Variants in NFIB observed in about 807,000 individuals in gnomAD.
The protein encoded by NFIB is nuclear factor 1 B-type.
Under a neutral mutation model 61.5 loss-of-function variants are expected in NFIB, and 11 were observed. The ratio of observed to expected loss-of-function variants is 0.18; its 90% CI spans 0.11 to 0.30. NFIB has a LOEUF of 0.30. Ranked by LOEUF, NFIB falls within the 10% of genes least tolerant of loss-of-function variation. The probability of loss-of-function intolerance (pLI) is 1.00; values close to 1 mark genes in which losing one functional copy is unlikely to be tolerated. For synonymous variants in NFIB, 260 were observed against 216.5 expected (o/e 1.20, Z -1.76); for missense variants, 471 against 608.9 (o/e 0.77, Z 2.38).
At chr9:14,175,623 A>T (rs368016265) in intron 3 of NFIB, among the ~76,000 whole-genome samples, 2 of 152,294 alleles carry the variant, frequency 1.3e-5, no homozygotes, top group East Asian at 3.9e-4. Context: ...CCAATATATA[A>T]TCCTACTGGT....
At chr9:14,398,816 A>C in exon 1 of NFIB, 1 of 508,890 alleles carries the variant, frequency 2.0e-6, no homozygotes. Flanking sequence ...AAGCTGTTAA[A>C]AACAAAATAG....
chr9:14,307,592 A>G lies in NFIB; in HGVS notation c.31-72T>C. 7.1e-7 allele frequency: 1 copy of G among 1,417,562 alleles called. No homozygotes were observed. The highest frequency in any genetic ancestry group is 9.4e-7 in the Non-Finnish European group (1 of 1,066,138). The allele number at this position is 1,417,562 out of a possible 1,614,324, so 87.8% of individuals were successfully genotyped here. A position where few individuals can be genotyped will look rare whatever the true frequency, so the allele number is the denominator to read the frequency against. ...ATTTTAAAAGCTCAAAAAATAAGAA[A>G]AGAAGACCACAACCCGTTTCCAATT... On this transcript the variant is annotated intron_variant, in intron 1 of 10. Transcript: ENST00000380953. This position sits in a 1 kb window ranked among gnomAD's most constrained non-coding sequence, Gnocchi z 5.3.
chr9:14,266,017 G>C (rs1018848767), intron 2 of NFIB, among the ~76,000 whole-genome samples: 7 of 152,122 alleles, frequency 4.6e-5, no homozygotes, highest in Admixed American at 6.6e-5. Flanking sequence ...CAGGCAAAGG[G>C]AGAGGATGTT....
chr9:14,202,376 T>C (rs2049137030), intron 2 of NFIB, among the ~76,000 whole-genome samples: 1 of 152,176 alleles, frequency 6.6e-6, no homozygotes, highest in Non-Finnish European at 1.5e-5. Flanking sequence ...CGACTTCCAT[T>C]ATCTTTCAGA....
chr9:14,310,144 C>T (rs1163881884), intron 1 of NFIB, among the ~76,000 whole-genome samples: 3 of 152,082 alleles, frequency 2.0e-5, no homozygotes, highest in Admixed American at 6.6e-5. Flanking sequence ...TTTAAACAAC[C>T]AAAATTCAAA....
At chr9:14,150,606 G>A (rs2042760632) in intron 4 of NFIB, among the ~76,000 whole-genome samples, 2 of 151,980 alleles carry the variant, frequency 1.3e-5, no homozygotes, top group Non-Finnish European at 1.5e-5. Flanking sequence ...GAATATACGA[G>A]TCCTATCACT....
At position 14,307,528 on chromosome 9, in the gene NFIB, A is replaced by G. The variant is rs749003155; in HGVS notation, c.31-8T>C. 1 of 1,584,828 alleles carries G rather than the reference A, an allele frequency of 6.3e-7. No homozygotes were observed. The highest frequency in any genetic ancestry group is 1.4e-5 in the African/African-American group (1 of 73,990). ...GAATGGGTGAAATTCATCCTGTGGA[A>G]GACAGAGGGGTGAGGAAAAGATGTG... On this transcript the variant is annotated splice_polypyrimidine_tract_variant and splice_region_variant and intron_variant, in intron 1 of 10. Coordinates refer to ENST00000380953, the MANE Select transcript of NFIB (RefSeq NM_001190737.2). The surrounding 1 kb of genome is among the most constrained non-coding windows in gnomAD (Gnocchi z 5.3).
intron 2 of NFIB, chr9:14,204,334 C>G: frequency 1.3e-6 from 1 of 758,116 alleles, no homozygotes; most frequent in Non-Finnish European, 2.3e-6. Flanking sequence ...AAGTGGTCAA[C>G]CCCCTGTTTG....
chr9:14,144,620 G>T (rs1364762903), intron 6 of NFIB, among the ~76,000 whole-genome samples: 2 of 152,138 alleles, frequency 1.3e-5, no homozygotes, highest in African/African-American at 2.4e-5. Context: ...AGTCAAAATA[G>T]ACAAGGTCCC....
At chr9:14,134,687 A>G (rs1214542897) in intron 6 of NFIB, among the ~76,000 whole-genome samples, 1 of 152,092 alleles carries the variant, frequency 6.6e-6, no homozygotes, top group Non-Finnish European at 1.5e-5. Context: ...ACCTGAGGTC[A>G]GGAGTTCGAG....
intron 2 of NFIB, among the ~76,000 whole-genome samples, chr9:14,283,490 G>C (rs10961460): frequency 0.033 from 4,984 of 152,266 alleles, 233 homozygotes; most frequent in African/African-American, 0.095. Context: ...TAACTGGCAA[G>C]TCTAGCATCT....
At chr9:14,315,245 G>T (rs1317264570), upstream of NFIB, among the ~76,000 whole-genome samples, 1 of 151,476 alleles carries the variant, frequency 6.6e-6, no homozygotes, top group Non-Finnish European at 1.5e-5. Flanking sequence ...GCCCACCAGG[G>T]GCCCGCACCC....
chr9:14,440,057 C>T, the NFIB span, among the ~76,000 whole-genome samples: 3 of 152,178 alleles, frequency 2.0e-5, no homozygotes, highest in African/African-American at 7.2e-5. Flanking sequence ...AGGCATTTGG[C>T]TCACCAGGTG....
chr9:14,337,573 G>A (rs541780390), intron 1 of NFIB, among the ~76,000 whole-genome samples: 43 of 152,180 alleles, frequency 2.8e-4, no homozygotes, highest in African/African-American at 6.7e-4. Flanking sequence ...GTGTATACTC[G>A]GAAGTGCACA....
At chr9:14,439,863 C>G in the NFIB span, among the ~76,000 whole-genome samples, 1 of 152,200 alleles carries the variant, frequency 6.6e-6, no homozygotes. Flanking sequence ...CCGTTTGCCC[C>G]AGTTTTGGGT....
At chr9:14,473,781 C>A in the NFIB span, among the ~76,000 whole-genome samples, 2 of 152,152 alleles carry the variant, frequency 1.3e-5, no homozygotes, top group Non-Finnish European at 2.9e-5. Flanking sequence ...TATTTAGGCC[C>A]GCATGATTTT....
intron 1 of NFIB, chr9:14,363,019 G>A (rs1014829663): frequency 6.6e-6 from 1 of 152,052 alleles, no homozygotes; most frequent in Non-Finnish European, 1.5e-5. Context: ...AAACTCTTGT[G>A]CCTAATTTTA....
chr9:14,427,704 G>A, the NFIB span, among the ~76,000 whole-genome samples: 1 of 152,088 alleles, frequency 6.6e-6, no homozygotes, highest in Non-Finnish European at 1.5e-5. Context: ...GATGGGACGG[G>A]GAATGTGAAC....
At chr9:14,447,650 G>C in the NFIB span, among the ~76,000 whole-genome samples, 1 of 152,166 alleles carries the variant, frequency 6.6e-6, no homozygotes, top group Non-Finnish European at 1.5e-5. Context: ...CTGGTTGAGA[G>C]TGGGAGTGAA....
Sources: gnomAD v4.1 joint callset for allele counts (sites outside exome capture counted in the v4.1 genomes callset) on GRCh38, gnomAD v4.1.1 for gene constraint, Gnocchi (gnomAD v3.1) non-coding constraint, MANE v1.5 for transcripts, NCBI Gene and HGNC (gene_info 2026-07-23, HGNC 2026-07-21) for gene names.